The following CACNG7 variants were observed in gnomAD, a reference collection of about 807,000 sequenced individuals.
CACNG7 encodes the protein voltage-dependent calcium channel gamma-7 subunit.
Under a neutral mutation model 26.3 loss-of-function variants are expected in CACNG7, and 9 were observed. The observed-to-expected ratio is 0.34, with a 90% confidence interval of 0.21 to 0.60. The LOEUF (loss-of-function observed/expected upper bound fraction) is 0.60. Among genes scored for constraint, CACNG7 ranks in the 20% least tolerant of loss-of-function variants. The pLI, the probability that CACNG7 is intolerant of heterozygous loss-of-function variation, is 0.81. For synonymous variants in CACNG7, 170 were observed against 157.0 expected, an observed-to-expected ratio of 1.08 and a Z score of -0.62; for missense variants, 297 against 380.4, an observed-to-expected ratio of 0.78 and a Z score of 1.82.
At chr19:53,926,093 C>T (rs1409312945) in intron 4 of CACNG7, among the ~76,000 whole-genome samples, 1 of 152,214 alleles carries the variant, frequency 6.6e-6, no homozygotes, top group East Asian at 1.9e-4. Flanking sequence ...ACAATTAAAT[C>T]TCATGTGTAG....
intron 4 of CACNG7, among the ~76,000 whole-genome samples, chr19:53,930,946 C>T (rs1458065545): frequency 6.6e-6 from 1 of 152,068 alleles, no homozygotes; most frequent in Non-Finnish European, 1.5e-5. Flanking sequence ...GTGCTGTGGC[C>T]TCACTTTGGG....
chr19:53,916,269 A>G (rs2068896648), intron 4 of CACNG7, among the ~76,000 whole-genome samples: 1 of 152,018 alleles, frequency 6.6e-6, no homozygotes, highest in African/African-American at 2.4e-5. Flanking sequence ...CCTCTTTTGC[A>G]TATGTGATCT....
At chr19:53,931,398 C>G (rs565310699) in intron 4 of CACNG7, among the ~76,000 whole-genome samples, 1 of 151,676 alleles carries the variant, frequency 6.6e-6, no homozygotes, top group Non-Finnish European at 1.5e-5. Context: ...TAATAAGTCT[C>G]TTTTTTGGCT....
intron 4 of CACNG7, among the ~76,000 whole-genome samples, chr19:53,933,235 A>T (rs1432519232): frequency 1.3e-5 from 2 of 148,174 alleles, no homozygotes; most frequent in East Asian, 4.0e-4. Context: ...GGTTCAAGTG[A>T]TTCTCCAGCC....
intron 4 of CACNG7, among the ~76,000 whole-genome samples, chr19:53,921,272 A>T (rs2068947727): frequency 8.4e-6 from 1 of 118,848 alleles, no homozygotes; most frequent in Non-Finnish European, 1.6e-5. Context: ...AGGTCTGGTC[A>T]TTGGTGGAGT....
At chr19:53,932,127 C>T (rs2069077108) in intron 4 of CACNG7, among the ~76,000 whole-genome samples, 1 of 151,230 alleles carries the variant, frequency 6.6e-6, no homozygotes, top group Admixed American at 6.6e-5. Flanking sequence ...GTGACTCGAG[C>T]CTGTAGTATT....
intron 4 of CACNG7, among the ~76,000 whole-genome samples, chr19:53,921,630 GTCGTCCCCAGGTCTGGTCATTGGTGGAC>G (rs2068954189): frequency 3.9e-5 from 2 of 51,228 alleles, no homozygotes; most frequent in African/African-American, 4.8e-4. Context: ...CATTGGTGGA[GTCGTCCCCAGGTCTGGTCATTGGTGGAC>G]TTGCCCCAGG....
chr19:53,916,662 ATTTT>A (rs1223891653), intron 4 of CACNG7, among the ~76,000 whole-genome samples: 2 of 106,166 alleles, frequency 1.9e-5, no homozygotes, highest in African/African-American at 6.1e-5. Context: ...CTAATTTTCT[ATTTT>A]TTTTTTTTTT....
At chr19:53,922,587 G>GTCTGGTC (rs2068970826) in intron 4 of CACNG7, among the ~76,000 whole-genome samples, 2 of 88,278 alleles carry the variant, frequency 2.3e-5, no homozygotes, top group African/African-American at 9.2e-5. Context: ...GTTGTCCCAG[G>GTCTGGTC]ACTGGTCATT....
chr19:53,929,883 T>C (rs2069059543), intron 4 of CACNG7, among the ~76,000 whole-genome samples: 1 of 152,128 alleles, frequency 6.6e-6, no homozygotes, highest in Non-Finnish European at 1.5e-5. Flanking sequence ...CTTTTCTAGA[T>C]GTTCCAGCTG....
rs990459110 is a variant in CACNG7 at position 53,939,214 on chromosome 19, C to T, written c.425-2256C>T. 1.3e-5 allele frequency among the ~76,000 whole-genome samples: 2 copies of T among 151,998 alleles called. No homozygotes were observed. Among genetic ancestry groups the T allele is most frequent in the Admixed American group, 1.3e-4 (2 of 15,252 alleles). ...CAGAGGTTGCGGTGAGCCGAGATTG[C>T]ACCACTACACTCCAGCCTAGGTGAC... On this transcript the variant is annotated intron_variant, in intron 4 of 5. Coordinates refer to ENST00000391767, the MANE Select transcript of CACNG7 (RefSeq NM_031896.5). This position sits in a 1 kb window ranked among gnomAD's most constrained non-coding sequence, Gnocchi z 4.2.
At chr19:53,914,441 C>CA (rs2068881883) in intron 2 of CACNG7, 59 bp from the exon 3 acceptor site, 29 of 1,487,418 alleles carry the variant, frequency 1.9e-5, no homozygotes, top group Middle Eastern at 1.8e-4. Context: ...CCCCCACCCC[C>CA]AGCCTCTCTA....
chr19:53,923,253 T>TCCCAGGTCTGGTCATTGGTGGAGTTGC (rs1568776101), intron 4 of CACNG7, among the ~76,000 whole-genome samples: 11 of 53,716 alleles, frequency 2.0e-4, no homozygotes, highest in Non-Finnish European at 3.2e-4. Context: ...GGTGGAGTTG[T>TCCCAGGTCTGGTCATTGGTGGAGTTGC]CCCAGGTCTG....
At position 53,922,322 on chromosome 19, in the gene CACNG7, TC is replaced by T. The variant is rs1246758982; in HGVS notation, c.424+6818del. On this transcript the variant is annotated intron_variant, in intron 4 of 5. Coordinates refer to ENST00000391767, the MANE Select transcript of CACNG7 (RefSeq NM_031896.5). Reference sequence around the variant, plus strand: ...TTGGTGGAGTTGTCCCCAGGTCTGGTCATTGGTGGAGTTGTCCCCAGGCCTG... The same window carrying T: ...TTGGTGGAGTTGTCCCCAGGTCTGGTATTGGTGGAGTTGTCCCCAGGCCTG... Among the ~76,000 whole-genome samples, 285 of 78,988 alleles carry T rather than the reference TC, an allele frequency of 3.6e-3. 25 individuals carry two copies. Among genetic ancestry groups the T allele is most frequent in the South Asian group, 0.01 (20 of 1,924 alleles). 51.8% of individuals were successfully genotyped at this position (78,988 alleles called of 152,430 possible).
chr19:53,924,744 G>C (rs1199537703), intron 4 of CACNG7, among the ~76,000 whole-genome samples: 1 of 150,158 alleles, frequency 6.7e-6, no homozygotes, highest in South Asian at 2.1e-4. Context: ...CCCCAGGTCT[G>C]GTCATTGGTG....
intron 4 of CACNG7, among the ~76,000 whole-genome samples, chr19:53,936,104 CT>C (rs910548328): frequency 3.3e-5 from 5 of 149,530 alleles, no homozygotes; most frequent in Admixed American, 2.7e-4. Context: ...GCTCTGCTGC[CT>C]TTTTTTTTCT....
intron 4 of CACNG7, among the ~76,000 whole-genome samples, chr19:53,918,854 C>T (rs1182810450): frequency 2.6e-5 from 4 of 152,224 alleles, no homozygotes; most frequent in South Asian, 2.1e-4. Context: ...CTGCAACCTC[C>T]GCGTCCCAGG....
chr19:53,909,626 C>T lies in CACNG7; in HGVS notation c.-30+109C>T, dbSNP rs1009745980. 1 of 152,264 alleles carries T rather than the reference C, an allele frequency of 6.6e-6. No homozygotes were observed. Among genetic ancestry groups the T allele is most frequent in the Non-Finnish European group, 1.5e-5 (1 of 68,144 alleles). The allele number at this position is 152,264 out of a possible 1,614,324, so 9.4% of individuals were successfully genotyped here. ...CGAGTGGCTCCAGGGGTGGTGAGAT[C>T]CTGGCGGTCGGGACGCCCGAATTCG... On this transcript the variant is annotated intron_variant, in intron 1 of 5. Transcript: ENST00000391767. This position sits in a 1 kb window ranked among gnomAD's most constrained non-coding sequence, Gnocchi z 5.1.
rs1334792605 is a variant in CACNG7 at position 53,912,626 on chromosome 19, G to A, written c.-29-177G>A. ...GCCCTGAGGCTGAGGCTCAACAGTT[G>A]GTGTCTCTGGTCAGACTCTAGGGTT... On this transcript the variant is annotated intron_variant, in intron 1 of 5. Coordinates refer to ENST00000391767, the MANE Select transcript of CACNG7 (RefSeq NM_031896.5). This position sits in a 1 kb window ranked among gnomAD's most constrained non-coding sequence, Gnocchi z 4.6. The A allele has an allele frequency of 8.9e-6, 5 of 560,026 alleles. No individual in the cohort carries two copies. The highest frequency in any genetic ancestry group is 1.6e-5 in the Non-Finnish European group (5 of 316,862). The allele number at this position is 560,026 out of a possible 1,614,324, so 34.7% of individuals were successfully genotyped here.
Sources: allele counts gnomAD v4.1 joint callset (sites outside exome capture counted in the v4.1 genomes callset), GRCh38; gene constraint gnomAD v4.1.1; non-coding constraint Gnocchi (gnomAD v3.1); transcripts MANE v1.5; gene names NCBI Gene and HGNC (gene_info 2026-07-23, HGNC 2026-07-21).